TCF12: variants seen among roughly 807,000 people sequenced by gnomAD.
TCF12 encodes the protein DNA-binding protein HTF4.
TCF12 carries 45 observed loss-of-function variants against 86.0 expected under a neutral mutation model. The observed-to-expected ratio is 0.52, with a 90% confidence interval of 0.41 to 0.67. The LOEUF (loss-of-function observed/expected upper bound fraction) is 0.67. Ranked by LOEUF, TCF12 falls within the 30% of genes least tolerant of loss-of-function variation. The pLI is 0.00. For synonymous variants in TCF12, 330 were observed against 299.6 expected, an observed-to-expected ratio of 1.10 and a Z score of -1.05; for missense variants, 881 against 859.9, an observed-to-expected ratio of 1.02 and a Z score of -0.31.
At chr15:57,208,890 A>G (rs2057984236) in intron 8 of TCF12, among the ~76,000 whole-genome samples, 1 of 149,910 alleles carries the variant, frequency 6.7e-6, no homozygotes, top group Admixed American at 6.6e-5. Flanking sequence ...TACATTTTCT[A>G]TTTTTTGTAG....
chr15:57,121,943 G>T (rs1470355597), intron 5 of TCF12, among the ~76,000 whole-genome samples: 1 of 152,004 alleles, frequency 6.6e-6, no homozygotes, highest in South Asian at 2.1e-4. Context: ...TTTTATGATG[G>T]TGAGTGAACA....
rs143282791 is a variant in TCF12, at chr15:56,967,863, G to T, written c.148+46765G>T. Among the ~76,000 whole-genome samples, 381 of 151,122 alleles carry T rather than the reference G, an allele frequency of 2.5e-3. 15 individuals are homozygous for T. The East Asian group carries it at 0.062, about 25-fold the overall frequency. ...GAATTTCCAGAAAAGTGTGAATGTTGTTTTTTTTTAAGCGAGTTAAGTAGA... is the reference window on the plus strand; with the variant it reads ...GAATTTCCAGAAAAGTGTGAATGTTTTTTTTTTTTAAGCGAGTTAAGTAGA... On this transcript the variant is annotated intron_variant, in intron 3 of 20. Transcript: ENST00000333725.
chr15:57,178,043 T>C (rs1278023317), intron 6 of TCF12, among the ~76,000 whole-genome samples: 6 of 152,348 alleles, frequency 3.9e-5, no homozygotes, highest in South Asian at 2.1e-4. Context: ...CGTAAACTTA[T>C]TTCAGGAGAA....
intron 3 of TCF12, among the ~76,000 whole-genome samples, chr15:56,970,758 G>T (rs1363921367): frequency 6.6e-6 from 1 of 151,392 alleles, no homozygotes. Flanking sequence ...ATAGAAAATT[G>T]GAAGAAAACA....
chr15:57,004,538 A>G (rs2064235599), intron 3 of TCF12, among the ~76,000 whole-genome samples: 1 of 152,152 alleles, frequency 6.6e-6, no homozygotes. Context: ...CCTCCTGAGT[A>G]GCTGGGACAA....
At chr15:57,238,833 T>C (rs1179784857) in intron 12 of TCF12, among the ~76,000 whole-genome samples, 1 of 152,118 alleles carries the variant, frequency 6.6e-6, no homozygotes, top group Admixed American at 6.6e-5. Flanking sequence ...CAAATAATGA[T>C]AATGTATAAC....
At chr15:57,004,363 G>T (rs753527422) in intron 3 of TCF12, among the ~76,000 whole-genome samples, 1 of 151,596 alleles carries the variant, frequency 6.6e-6, no homozygotes, top group Non-Finnish European at 1.5e-5. Flanking sequence ...TCAGCTTCCC[G>T]AGTAGCTGGA....
intron 3 of TCF12, among the ~76,000 whole-genome samples, chr15:57,035,343 A>T (rs2066440030): frequency 6.6e-6 from 1 of 152,196 alleles, no homozygotes. Context: ...AGCTCACTGC[A>T]GCCTTGAACT....
At chr15:57,139,330 T>C (rs2052786521) in intron 5 of TCF12, among the ~76,000 whole-genome samples, 1 of 152,276 alleles carries the variant, frequency 6.6e-6, no homozygotes, top group African/African-American at 2.4e-5. Context: ...ACACTAAATT[T>C]TCAAAGCAAA....
chr15:57,039,381 C>T (rs16977210), intron 3 of TCF12, among the ~76,000 whole-genome samples: 1,791 of 152,252 alleles, frequency 0.012, 39 homozygotes, highest in African/African-American at 0.042. Context: ...CCTCAGTCTT[C>T]GCATTTTGTT....
At chr15:57,173,248 G>A (rs766754523) in intron 6 of TCF12, among the ~76,000 whole-genome samples, 11 of 152,190 alleles carry the variant, frequency 7.2e-5, no homozygotes, top group Non-Finnish European at 1.2e-4. Flanking sequence ...ATGTGTTGGT[G>A]CATCTAAACC....
intron 5 of TCF12, among the ~76,000 whole-genome samples, chr15:57,138,534 T>G (rs576821939): frequency 1.9e-5 from 1 of 53,260 alleles, no homozygotes; most frequent in East Asian, 5.2e-4. Flanking sequence ...ATCAGATCTG[T>G]TTCCTATCTA....
intron 5 of TCF12, among the ~76,000 whole-genome samples, chr15:57,109,705 T>C (rs1259328937): frequency 6.6e-6 from 1 of 152,190 alleles, no homozygotes; most frequent in East Asian, 1.9e-4. Context: ...GCATAGAACT[T>C]GTCAAAGATA....
chr15:57,018,629 G>A (rs1340849959), intron 3 of TCF12, among the ~76,000 whole-genome samples: 1 of 151,694 alleles, frequency 6.6e-6, no homozygotes, highest in African/African-American at 2.4e-5. Context: ...TGCCCATCTT[G>A]TATTTTTTGC....
chr15:57,275,754 GGAT>G lies in TCF12; in HGVS notation c.1978+2497_1978+2499del, dbSNP rs2061372152. 1.3e-5 allele frequency among the ~76,000 whole-genome samples: 2 copies of G among 151,852 alleles called. 1 individual carries two copies. Among genetic ancestry groups the G allele is most frequent in the Admixed American group, 1.3e-4 (2 of 15,222 alleles). On this transcript the variant is annotated intron_variant, in intron 19 of 20. Transcript: ENST00000333725. ...GCACTCTGGCTCCCCTTCTGATTTG[GGAT>G]GATGCTGCAAGACTGTATCTGATTG...
At chr15:57,078,782 G>A (rs1201162431) in intron 4 of TCF12, among the ~76,000 whole-genome samples, 2 of 152,226 alleles carry the variant, frequency 1.3e-5, no homozygotes, top group Admixed American at 1.3e-4. Flanking sequence ...GATATAGATT[G>A]ATAGTATGCA....
intron 3 of TCF12, among the ~76,000 whole-genome samples, chr15:57,062,211 C>T (rs2068511778): frequency 6.6e-6 from 1 of 152,088 alleles, no homozygotes; most frequent in East Asian, 1.9e-4. Context: ...CCGCCTCGGC[C>T]TCCCAAAGTG....
chr15:56,983,791 A>G (rs1344096885), intron 3 of TCF12, among the ~76,000 whole-genome samples: 1 of 151,900 alleles, frequency 6.6e-6, no homozygotes, highest in Non-Finnish European at 1.5e-5. Context: ...AGTTGAGCCC[A>G]GGATTCAAGA....
chr15:56,943,410 C>T (rs2060864951), intron 3 of TCF12, among the ~76,000 whole-genome samples: 2 of 152,270 alleles, frequency 1.3e-5, no homozygotes, highest in South Asian at 2.1e-4. Context: ...AATTATTCTC[C>T]TTGTTTAGAA....
Sources: allele counts gnomAD v4.1 joint callset (sites outside exome capture counted in the v4.1 genomes callset), GRCh38; gene constraint gnomAD v4.1.1; transcripts MANE v1.5; gene names NCBI Gene and HGNC (gene_info 2026-07-23, HGNC 2026-07-21).